Variants in TDRD7 observed in about 807,000 individuals in gnomAD.
TDRD7 encodes tudor domain containing 7.
TDRD7 carries 47 observed loss-of-function variants against 109.8 expected under a neutral mutation model. The observed-to-expected ratio is 0.43, with a 90% confidence interval of 0.34 to 0.55. TDRD7 has a LOEUF of 0.55. Among genes scored for constraint, TDRD7 ranks in the 20% least tolerant of loss-of-function variants. The pLI, the probability that TDRD7 is intolerant of heterozygous loss-of-function variation, is 0.03. For missense variants in TDRD7, 1,164 were observed against 1,319.2 expected, an observed-to-expected ratio of 0.88 and a Z score of 1.82; for synonymous variants, 424 against 457.3, an observed-to-expected ratio of 0.93 and a Z score of 0.93.
intron 6 of TDRD7, among the ~76,000 whole-genome samples, chr9:97,451,230 C>T (rs143407249): frequency 3.5e-4 from 54 of 152,214 alleles, no homozygotes; most frequent in African/African-American, 1.3e-3. Flanking sequence ...CACTAAGCAT[C>T]TCTTCATTGG....
intron 6 of TDRD7, among the ~76,000 whole-genome samples, chr9:97,444,927 G>A (rs912408403): frequency 2.6e-5 from 4 of 152,160 alleles, no homozygotes; most frequent in Admixed American, 6.5e-5. Flanking sequence ...GCTGTAAGCC[G>A]CTTCACATGG....
In TDRD7 at chr9:97,487,641, G is replaced by A. The variant is rs7871555; in HGVS notation, c.3076+309G>A. On this transcript the variant is annotated intron_variant, in intron 16 of 16. Transcript: ENST00000355295. ...TGCATTCTGCTTTTCTTCATCTAGT[G>A]TTGTTTTCTAATGACTTTCTGGGTG... Among the ~76,000 whole-genome samples, 79,030 of 151,244 alleles carry A rather than the reference G, an allele frequency of 0.52. 20,769 individuals carry two copies. The highest frequency in any genetic ancestry group is 0.58 in the East Asian group (2,997 of 5,138).
At position 97,475,343 on chromosome 9, in the gene TDRD7, G is replaced by T. The variant is rs373635644; in HGVS notation, c.2080-40G>T. On this transcript the variant is annotated intron_variant, in intron 11 of 16. Transcript: ENST00000355295. The stretch of plus-strand genomic sequence containing the variant: ...CTAATGGTGTAGCAATATGCTCTTT[G>T]CTAAGAGTAATAAGAGTATCATGCA... 2.0e-4 allele frequency: 305 copies of T among 1,489,066 alleles called. 1 individual carries two copies. Among genetic ancestry groups the T allele is most frequent in the Non-Finnish European group, 1.4e-5 (15 of 1,067,462 alleles). The allele number at this position is 1,489,066 out of a possible 1,614,324, so 92.2% of individuals were successfully genotyped here.
chr9:97,444,646 T>G (rs1342874963), intron 6 of TDRD7, among the ~76,000 whole-genome samples: 2 of 152,232 alleles, frequency 1.3e-5, no homozygotes, highest in Admixed American at 1.3e-4. Flanking sequence ...TTATGGCTTG[T>G]CTCTCTATAT....
intron 11 of TDRD7, 138 bp downstream of exon 11, chr9:97,473,764 T>G: frequency 8.9e-7 from 1 of 1,128,548 alleles, no homozygotes; most frequent in Non-Finnish European, 1.3e-6. Context: ...TCTAGAATAG[T>G]AGGTAAAGAG....
intron 13 of TDRD7, among the ~76,000 whole-genome samples, chr9:97,479,121 G>T (rs887367753): frequency 1.3e-5 from 2 of 152,030 alleles, no homozygotes; most frequent in African/African-American, 2.4e-5. Flanking sequence ...ATTTTGTGCA[G>T]AAATTAATAT....
rs537088337 is a variant in TDRD7 at position 97,412,669 on chromosome 9, C to T, written c.-7+431C>T. Among the ~76,000 whole-genome samples, 1 of 152,216 alleles carries T rather than the reference C, an allele frequency of 6.6e-6. No homozygotes were observed. The highest frequency in any genetic ancestry group is 1.5e-5 in the Non-Finnish European group (1 of 68,044). On this transcript the variant is annotated intron_variant, in intron 1 of 16. Transcript: ENST00000355295. The surrounding 1 kb of genome is among the most constrained non-coding windows in gnomAD (Gnocchi z 4.3). The stretch of plus-strand genomic sequence containing the variant: ...CCCCAGCGAGGGATGTCCGCGCTCC[C>T]CTATTTGAACCCAAGTATTTTACAC...
intron 10 of TDRD7, 84 bp downstream of exon 10, chr9:97,472,579 A>T (rs538206000): frequency 8.7e-7 from 1 of 1,153,506 alleles, no homozygotes; most frequent in Non-Finnish European, 1.3e-6. Flanking sequence ...TTAGGCTAAC[A>T]ATTGATAGAG....
chr9:97,443,676 G>A (rs1378956684), intron 6 of TDRD7, among the ~76,000 whole-genome samples: 1 of 152,114 alleles, frequency 6.6e-6, no homozygotes, highest in Non-Finnish European at 1.5e-5. Flanking sequence ...AATGCATATG[G>A]CTCCTTTATG....
intron 13 of TDRD7, among the ~76,000 whole-genome samples, chr9:97,480,015 G>A (rs182344989): frequency 2.4e-4 from 36 of 152,254 alleles, no homozygotes; most frequent in African/African-American, 7.0e-4. Context: ...AACAAGAAAG[G>A]TACCACATCC....
intron 1 of TDRD7, among the ~76,000 whole-genome samples, chr9:97,415,159 T>A (rs1297274560): frequency 3.9e-5 from 6 of 152,234 alleles, no homozygotes; most frequent in African/African-American, 1.4e-4. Context: ...CTGATTTGTT[T>A]TAAGATTTAG....
At chr9:97,485,819 A>G (rs1165674837) in intron 15 of TDRD7, among the ~76,000 whole-genome samples, 3 of 152,018 alleles carry the variant, frequency 2.0e-5, no homozygotes, top group African/African-American at 7.2e-5. Flanking sequence ...CCCAGGTGGG[A>G]CTCTAATTCA....
chr9:97,463,786 A>C (rs1459164569), intron 7 of TDRD7, among the ~76,000 whole-genome samples: 1 of 152,234 alleles, frequency 6.6e-6, no homozygotes, highest in Non-Finnish European at 1.5e-5. Flanking sequence ...AGGTGACCAC[A>C]GTTGTCAACA....
rs1490710520 is a variant in TDRD7 at position 97,439,316 on chromosome 9, G to T, written c.635G>T (p.Ser212Ile). Residue 212 changes from serine (S) to isoleucine (I), a missense_variant and splice_region_variant, in exon 5 of 17, where the codon AGT (serine) becomes ATT (isoleucine). Physicochemically the swap from Ser to Ile is moderately radical, Grantham distance 142. Coordinates refer to ENST00000355295, the MANE Select transcript of TDRD7 (RefSeq NM_014290.3). ...TCAAGAACCTCTACTAAGGAAATGA[G>T]TGGTATGTTTTCCAAACATTTTTGA... is the stretch of plus-strand genomic sequence containing the variant. ...HLSRTSTKEMSDNLNQTVEKP... is the reference protein window; with the variant it reads ...HLSRTSTKEMIDNLNQTVEKP... 3 of 1,602,824 alleles carry T rather than the reference G, an allele frequency of 1.9e-6. No individual in the cohort carries two copies. The highest frequency in any genetic ancestry group is 1.7e-6 in the Non-Finnish European group (2 of 1,178,674).
At position 97,421,151 on chromosome 9, in the gene TDRD7, AG is replaced by A. The variant is rs1234797555; in HGVS notation, c.-6-7308del. Among the ~76,000 whole-genome samples the A allele has an allele frequency of 7.4e-3, 1,119 of 151,168 alleles. 25 individuals are homozygous for A. The highest frequency in any genetic ancestry group is 0.026 in the African/African-American group (1,067 of 40,870). On this transcript the variant is annotated intron_variant, in intron 1 of 16. Coordinates refer to ENST00000355295, the MANE Select transcript of TDRD7 (RefSeq NM_014290.3). ...CTCTGTCTCAAAAAAAAAAAAAAAA[AG>A]AAATTGTCAAACTATTTTTCAAGGT...
chr9:97,426,599 C>T (rs950538447), intron 1 of TDRD7, among the ~76,000 whole-genome samples: 1 of 152,140 alleles, frequency 6.6e-6, no homozygotes. Flanking sequence ...GACAAAAACA[C>T]ACACATTAGC....
Position 97,483,147 on chromosome 9 carries a change from C to G in TDRD7, c.2711C>G (p.Pro904Arg). ...SAFSTEELPP[P>R]VHLSKPGEHM... is the part of the protein sequence containing the mutation. ...TTCTCCACAGAGGAACTGCCACCTC[C>G]TGTCCACTTATCAAAGCCAGGGGAA... is the stretch of plus-strand genomic sequence containing the variant. The change falls in exon 15 of 17, where the codon CCT becomes CGT. Residue 904 changes from proline (P) to arginine (R), a missense_variant. Coordinates refer to ENST00000355295, the MANE Select transcript of TDRD7 (RefSeq NM_014290.3). The G allele has an allele frequency of 6.2e-7, 1 of 1,614,206 alleles. No individual in the cohort carries two copies. Among genetic ancestry groups the G allele is most frequent in the Non-Finnish European group, 8.5e-7 (1 of 1,180,036 alleles).
intron 1 of TDRD7, among the ~76,000 whole-genome samples, chr9:97,427,259 T>C (rs1179463089): frequency 2.0e-5 from 3 of 152,188 alleles, no homozygotes; most frequent in Non-Finnish European, 4.4e-5. Flanking sequence ...TTTTTTTCTC[T>C]GCAAAACTAC....
rs529041886 is a variant in TDRD7, at chr9:97,496,057, A to G, written c.*174A>G. On this transcript the variant is annotated 3_prime_UTR_variant, in exon 17 of 17. Coordinates refer to ENST00000355295, the MANE Select transcript of TDRD7 (RefSeq NM_014290.3). The stretch of plus-strand genomic sequence containing the variant: ...AACAAGTTTTGTTTTAACAGAGTTG[A>G]CTTTTCAAAGAAAATTGTACTTGAA... 5.0e-6 allele frequency: 3 copies of G among 605,182 alleles called. No homozygotes were observed. The Admixed American group carries it at 8.6e-5, about 17-fold the overall frequency. 37.5% of individuals were successfully genotyped at this position (605,182 alleles called of 1,614,324 possible). A position where few individuals can be genotyped will look rare whatever the true frequency, so the allele number is the denominator to read the frequency against.
Sources: allele counts gnomAD v4.1 joint callset (sites outside exome capture counted in the v4.1 genomes callset), GRCh38; gene constraint gnomAD v4.1.1; non-coding constraint Gnocchi (gnomAD v3.1); transcripts MANE v1.5; gene names NCBI Gene and HGNC (gene_info 2026-07-23, HGNC 2026-07-21).